Variants in GHRL observed in about 807,000 individuals in gnomAD.
GHRL encodes ghrelin and obestatin prepropeptide, also known as appetite-regulating hormone.
In GHRL, 24 loss-of-function variants were observed where a neutral mutation model predicts 16.9. The ratio of observed to expected loss-of-function variants is 1.42; its 90% CI spans 1.03 to 2.00. GHRL has a LOEUF of 2.00. Among genes scored for constraint, GHRL ranks in the 30% most tolerant of loss-of-function variants. GHRL has a pLI of 0.00. For missense variants in GHRL, 193 were observed against 142.1 expected (o/e 1.36, Z -1.82); for synonymous variants, 63 against 58.2 (o/e 1.08, Z -0.37).
At chr3:10,290,272 G>GGC in intron 2 of GHRL, 63 bp from the exon 3 acceptor site, 6 of 1,504,780 alleles carry the variant, frequency 4.0e-6, no homozygotes, top group Non-Finnish European at 5.4e-6. Context: ...AGCTTGCTCA[G>GGC]GTAGGAGCCC....
In GHRL at chr3:10,290,255, G is replaced by A. The variant is rs567909330; in HGVS notation, c.-29-46C>T. ...AGGCAGCTGCCTCCCCTTCTCATGTGCCTCTGAGCTTGCTCAGGTAGGAGC... is the reference window on the plus strand; with the variant it reads ...AGGCAGCTGCCTCCCCTTCTCATGTACCTCTGAGCTTGCTCAGGTAGGAGC... On this transcript the variant is annotated intron_variant, in intron 2 of 5. Transcript: ENST00000335542. 87 of 1,549,292 alleles carry A rather than the reference G, an allele frequency of 5.6e-5. 1 individual carries two copies. The highest frequency in any genetic ancestry group is 2.8e-4 in the Admixed American group (14 of 50,838).
rs1699972551 is a variant in GHRL at position 10,291,264 on chromosome 3, G to A, written c.-578C>T. 1.0e-6 allele frequency: 1 copy of A among 985,450 alleles called. No individual in the cohort carries two copies. Among genetic ancestry groups the A allele is most frequent in the Non-Finnish European group, 1.2e-6 (1 of 829,906 alleles). The allele number at this position is 985,450 out of a possible 1,614,324, so 61.0% of individuals were successfully genotyped here. On this transcript the variant is annotated 5_prime_UTR_variant, in exon 2 of 6. Coordinates refer to ENST00000335542, the MANE Select transcript of GHRL (RefSeq NM_016362.5). ...CCTCCCGGTTGAGCAGACTGCTCCTGATCATCCTCTCCAGAGAGTGGGTGT... is the reference window on the plus strand; with the variant it reads ...CCTCCCGGTTGAGCAGACTGCTCCTAATCATCCTCTCCAGAGAGTGGGTGT...
intron 1 of GHRL, 144 bp downstream of exon 1, chr3:10,292,698 G>A: frequency 3.3e-6 from 2 of 613,794 alleles, no homozygotes; most frequent in South Asian, 2.0e-5. Context: ...GCTGAATGTG[G>A]AGAGGGTGGA....
At chr3:10,289,111 A>C (rs1576060574) in intron 4 of GHRL, among the ~76,000 whole-genome samples, 1 of 152,302 alleles carries the variant, frequency 6.6e-6, no homozygotes, top group East Asian at 1.9e-4. Flanking sequence ...TCACCAACCA[A>C]ATATTTAGAA....
chr3:10,290,291 G>A (rs375935115), intron 2 of GHRL, 82 bp from the exon 3 acceptor site: 286 of 1,362,596 alleles, frequency 2.1e-4, no homozygotes, highest in East Asian at 7.5e-4. Flanking sequence ...CCAGCAGATG[G>A]CGTGAAGGGC....
At chr3:10,286,864 C>A (rs1273143674) in intron 4 of GHRL, 52 bp from the exon 5 acceptor site, 2 of 1,091,600 alleles carry the variant, frequency 1.8e-6, no homozygotes, top group Non-Finnish European at 1.4e-6. Context: ...CATGCCCATC[C>A]CCATCTCAAA....
intron 4 of GHRL, among the ~76,000 whole-genome samples, chr3:10,288,557 A>G (rs2125204643): frequency 6.6e-6 from 1 of 152,320 alleles, no homozygotes; most frequent in South Asian, 2.1e-4. Context: ...TCTCACCAGC[A>G]AAATATCCTG....
Position 10,291,073 on chromosome 3 carries a change from T to C in GHRL, c.-387A>G. On this transcript the variant is annotated 5_prime_UTR_variant, in exon 2 of 6. Transcript: ENST00000335542. ...GTGTGACCTTAGCTTACTCGCCCTT[T>C]CTCCCTGGGTAAAATGAGGCTGTCA... The C allele has an allele frequency of 1.0e-6, 1 of 985,642 alleles. No homozygotes were observed. Among genetic ancestry groups the C allele is most frequent in the Non-Finnish European group, 1.2e-6 (1 of 830,086 alleles). 61.1% of individuals were successfully genotyped at this position (985,642 alleles called of 1,614,324 possible).
intron 2 of GHRL, 137 bp from the exon 3 acceptor site, chr3:10,290,346 T>C (rs1699805869): frequency 4.0e-6 from 3 of 750,712 alleles, no homozygotes; most frequent in Non-Finnish European, 6.4e-6. Context: ...GGACCCCCGC[T>C]TCCACCTCCC....
intron 4 of GHRL, 30 bp from the exon 5 acceptor site, chr3:10,286,842 G>C (rs1306073660): frequency 7.7e-7 from 1 of 1,295,364 alleles, no homozygotes; most frequent in East Asian, 2.3e-5. Flanking sequence ...GGACCCAGGA[G>C]ATGTCAGAGG....
rs533857475 is a variant in GHRL, at chr3:10,290,719, C to T, written c.-33G>A. The T allele has an allele frequency of 7.4e-5, 74 of 1,002,120 alleles. 1 individual carries two copies. In the South Asian group the frequency reaches 2.9e-3, roughly 39 times the overall value. The allele number at this position is 1,002,120 out of a possible 1,614,324, so 62.1% of individuals were successfully genotyped here. ...ACGGAGAGTAGAGAGAGCTTACCTGCAGTTCCTGGCGGAGGTGGTGCCTGG... is the reference window on the plus strand; with the variant it reads ...ACGGAGAGTAGAGAGAGCTTACCTGTAGTTCCTGGCGGAGGTGGTGCCTGG... On this transcript the variant is annotated 5_prime_UTR_variant, in exon 2 of 6. Coordinates refer to ENST00000335542, the MANE Select transcript of GHRL (RefSeq NM_016362.5).
intron 1 of GHRL, chr3:10,292,588 AC>A: frequency 4.2e-6 from 2 of 478,914 alleles, no homozygotes; most frequent in South Asian, 3.1e-5. Flanking sequence ...CTAAAATCCC[AC>A]CTTTAGTCCC....
chr3:10,292,764 T>TAAA lies in GHRL; in HGVS notation c.-766+75_-766+77dup. Reference sequence around the variant, plus strand: ...CAGCTTTTTCAGAGCCACCAACCCATAAAAAAAAAAATCCCCAAACAGAAA... The same window carrying TAAA: ...CAGCTTTTTCAGAGCCACCAACCCATAAAAAAAAAAAAAATCCCCAAACAGAAA... On this transcript the variant is annotated intron_variant, in intron 1 of 5. Transcript: ENST00000335542. The TAAA allele has an allele frequency of 7.3e-6, 5 of 680,394 alleles. No homozygotes were observed. In the Admixed American group the frequency reaches 9.4e-5, roughly 13 times the overall value. The allele number at this position is 680,394 out of a possible 1,614,324, so 42.1% of individuals were successfully genotyped here.
intron 2 of GHRL, 124 bp from the exon 3 acceptor site, chr3:10,290,333 A>G: frequency 1.1e-6 from 1 of 883,108 alleles, no homozygotes; most frequent in Non-Finnish European, 1.7e-6. Flanking sequence ...TGCTGTGTAG[A>G]GAGGACCCCC....
chr3:10,291,007 G>C lies in GHRL; in HGVS notation c.-321C>G. The C allele has an allele frequency of 1.0e-6, 1 of 985,590 alleles. No individual in the cohort carries two copies. The highest frequency in any genetic ancestry group is 1.7e-5 in the African/African-American group (1 of 57,362). 61.1% of individuals were successfully genotyped at this position (985,590 alleles called of 1,614,324 possible). On this transcript the variant is annotated 5_prime_UTR_variant, in exon 2 of 6. Transcript: ENST00000335542. The stretch of plus-strand genomic sequence containing the variant: ...GGCATGGCCCTGGTGGAGGAGGGAG[G>C]GAGGAGAGTGGCTCTGGGGTCTGGG...
At position 10,286,027 on chromosome 3, in the gene GHRL, C is replaced by A. The variant is rs114837813; in HGVS notation, c.335-133G>T. The A allele has an allele frequency of 1.3e-5, 10 of 782,728 alleles. No homozygotes were observed. In the Admixed American group the frequency reaches 1.9e-4, roughly 15 times the overall value. 48.5% of individuals were successfully genotyped at this position (782,728 alleles called of 1,614,324 possible). On this transcript the variant is annotated intron_variant, in intron 5 of 5. Transcript: ENST00000335542. ...AAGCACTGGCCTTGGAGTCAGAGGG[C>A]GGCACTCAAGTGTGGACTGTTGTGC...
At position 10,288,779 on chromosome 3, in the gene GHRL, A is replaced by G. The variant is rs182284315; in HGVS notation, c.225+983T>C. On this transcript the variant is annotated intron_variant, in intron 4 of 5. Coordinates refer to ENST00000335542, the MANE Select transcript of GHRL (RefSeq NM_016362.5). ...GGCACATTTCACTCCTCTGGAAGGA[A>G]GAGGCCTCCCCTGGGCCACTGTGCG... Among the ~76,000 whole-genome samples the G allele has an allele frequency of 1.1e-3, 171 of 152,332 alleles. 1 individual carries two copies. Among genetic ancestry groups the G allele is most frequent in the African/African-American group, 4.0e-3 (167 of 41,574 alleles).
intron 4 of GHRL, 60 bp from the exon 5 acceptor site, chr3:10,286,872 A>C: frequency 6.7e-5 from 67 of 995,422 alleles, no homozygotes; most frequent in Non-Finnish European, 9.4e-5. Flanking sequence ...TCCCCATCTC[A>C]AAGGGGGCTC....
In GHRL at chr3:10,290,704, G is replaced by GACT. The variant is rs1452221465; in HGVS notation, c.-30+11_-30+12insAGT. ...TGTCAGCAAACGCACACGGAGAGTAGAGAGAGCTTACCTGCAGTTCCTGGC... is the reference window on the plus strand; with the variant it reads ...TGTCAGCAAACGCACACGGAGAGTAGACTAGAGAGCTTACCTGCAGTTCCTGGC... On this transcript the variant is annotated intron_variant, in intron 2 of 5. Transcript: ENST00000335542. 3.0e-6 allele frequency: 3 copies of GACT among 1,005,180 alleles called. No homozygotes were observed. Among genetic ancestry groups the GACT allele is most frequent in the Admixed American group, 5.7e-5 (1 of 17,562 alleles). The allele number at this position is 1,005,180 out of a possible 1,614,324, so 62.3% of individuals were successfully genotyped here. A position where few individuals can be genotyped will look rare whatever the true frequency, so the allele number is the denominator to read the frequency against.
Sources: allele counts gnomAD v4.1 joint callset (sites outside exome capture counted in the v4.1 genomes callset), GRCh38; gene constraint gnomAD v4.1.1; transcripts MANE v1.5; gene names NCBI Gene and HGNC (gene_info 2026-07-23, HGNC 2026-07-21).